Variants in GML observed in about 807,000 individuals in gnomAD.
The protein encoded by GML is glycosyl-phosphatidylinositol-anchored molecule-like protein.
A neutral mutation model predicts 8.2 loss-of-function variants in GML; 5 were observed. That is an observed-to-expected ratio of 0.61 (90% CI 0.32 to 1.28). GML has a LOEUF of 1.28. Among genes scored for constraint, GML ranks in the 50% most tolerant of loss-of-function variants. GML has a pLI of 0.06. For synonymous variants in GML, 72 were observed against 69.0 expected, an observed-to-expected ratio of 1.04 and a Z score of -0.22; for missense variants, 191 against 198.3, an observed-to-expected ratio of 0.96 and a Z score of 0.22.
chr8:142,835,674 T>A (rs1480595563), intron 1 of GML, among the ~76,000 whole-genome samples: 3 of 152,174 alleles, frequency 2.0e-5, no homozygotes, highest in Non-Finnish European at 4.4e-5. Context: ...GTTCTTAAGT[T>A]CCAAACAGAT....
At chr8:142,838,288 G>A (rs1816370930) in intron 1 of GML, among the ~76,000 whole-genome samples, 1 of 152,070 alleles carries the variant, frequency 6.6e-6, no homozygotes, top group South Asian at 2.1e-4. Context: ...ATTCCTATAT[G>A]GGAATTCCTT....
chr8:142,839,913 G>A (rs1376393207), intron 1 of GML, among the ~76,000 whole-genome samples: 1 of 152,188 alleles, frequency 6.6e-6, no homozygotes, highest in Non-Finnish European at 1.5e-5. Context: ...ATGACACTGA[G>A]GATGCCTTCA....
intron 3 of GML, 65 bp downstream of exon 3, chr8:142,841,290 C>A: frequency 2.4e-6 from 2 of 842,318 alleles, no homozygotes; most frequent in Non-Finnish European, 4.2e-6. Flanking sequence ...GTTTCTGGGG[C>A]CAGGGCCAGT....
At chr8:142,843,650 A>G (rs919682597) in intron 3 of GML, among the ~76,000 whole-genome samples, 1 of 152,268 alleles carries the variant, frequency 6.6e-6, no homozygotes, top group East Asian at 1.9e-4. Context: ...CAAGATAAGT[A>G]TTCAAAAATC....
At chr8:142,841,407 A>G (rs966055812) in intron 3 of GML, among the ~76,000 whole-genome samples, 182 bp downstream of exon 3, 1 of 152,160 alleles carries the variant, frequency 6.6e-6, no homozygotes, top group Non-Finnish European at 1.5e-5. Flanking sequence ...GCCAGCATGC[A>G]TCATCTTGTA....
chr8:142,835,094 C>T (rs115994180), intron 1 of GML, among the ~76,000 whole-genome samples: 2,075 of 151,558 alleles, frequency 0.014, 52 homozygotes, highest in African/African-American at 0.048. Flanking sequence ...CTCCACTCCC[C>T]GCAGGTTCCT....
At chr8:142,844,481 G>A (rs2130227301) in intron 3 of GML, among the ~76,000 whole-genome samples, 1 of 152,322 alleles carries the variant, frequency 6.6e-6, no homozygotes, top group African/African-American at 2.4e-5. Flanking sequence ...CAAAACTTCT[G>A]TTCCTAAGAA....
At chr8:142,841,022 G>A (rs914036310) in intron 2 of GML, 96 bp from the exon 3 acceptor site, 2 of 726,376 alleles carry the variant, frequency 2.8e-6, no homozygotes, top group Non-Finnish European at 5.1e-6. Flanking sequence ...AAGCAGAGGG[G>A]AAGGGCTGGC....
In GML at chr8:142,836,771, G is replaced by GGTCAGGT. The variant is rs1816347261; in HGVS notation, c.-23+1903_-23+1904insGTCAGGT. Among the ~76,000 whole-genome samples the GGTCAGGT allele has an allele frequency of 2.6e-5, 4 of 152,134 alleles. No individual in the cohort carries two copies. The South Asian group carries it at 8.3e-4, about 31-fold the overall frequency. On this transcript the variant is annotated intron_variant, in intron 1 of 3. Coordinates refer to ENST00000220940, the MANE Select transcript of GML (RefSeq NM_002066.3). ...GTGGAGGCCAAGTGGGATGCTTGCAGCTTCAACCTGACCCTGGCTGCCTCT... is the reference window on the plus strand; with the variant it reads ...GTGGAGGCCAAGTGGGATGCTTGCAGGTCAGGTCTTCAACCTGACCCTGGCTGCCTCT...
At chr8:142,834,947 T>TAGG (rs1191944508) in intron 1 of GML, 79 bp downstream of exon 1, 1 of 91,326 alleles carries the variant, frequency 1.1e-5, no homozygotes, top group African/African-American at 4.7e-5. Context: ...AGCCTCCTCG[T>TAGG]CAGCTGCTTG....
intron 3 of GML, among the ~76,000 whole-genome samples, chr8:142,843,729 C>T (rs1433260698): frequency 6.6e-6 from 1 of 152,162 alleles, no homozygotes; most frequent in East Asian, 1.9e-4. Flanking sequence ...AGGAATGGTG[C>T]TCTTTAAAGT....
At chr8:142,843,035 G>A (rs867511735) in intron 3 of GML, among the ~76,000 whole-genome samples, 8 of 152,258 alleles carry the variant, frequency 5.3e-5, no homozygotes, top group Middle Eastern at 3.4e-3. Context: ...ATGGATATTA[G>A]GACAAAGAAA....
chr8:142,839,491 C>T (rs369412096), intron 1 of GML, among the ~76,000 whole-genome samples: 3 of 152,108 alleles, frequency 2.0e-5, no homozygotes, highest in Non-Finnish European at 4.4e-5. Flanking sequence ...GCTGCTCCTG[C>T]GGTGGAGGGA....
chr8:142,841,067 G>A (rs1816425151), intron 2 of GML, 51 bp from the exon 3 acceptor site: 3 of 893,770 alleles, frequency 3.4e-6, no homozygotes, highest in Non-Finnish European at 5.7e-6. Flanking sequence ...GGTAATGGGT[G>A]GAAAAGGCGT....
At position 142,840,493 on chromosome 8, in the gene GML, C is replaced by A; in HGVS notation, c.56C>A (p.Ala19Asp). The change falls in exon 2 of 4, where the codon GCC (alanine) becomes GAC (aspartate). Residue 19 changes from alanine to aspartate, a missense_variant. Ala to Asp is a moderately radical substitution (Grantham distance 126). Transcript: ENST00000220940. ...AMELPLVAASATMRAQWTYSL... is the reference protein window; with the variant it reads ...AMELPLVAASDTMRAQWTYSL... Reference sequence around the variant, plus strand: ...GAGCTCCCATTGGTGGCAGCCAGTGCCACCATGCGCGCTCAGTGTAAGTAT... The same window carrying A: ...GAGCTCCCATTGGTGGCAGCCAGTGACACCATGCGCGCTCAGTGTAAGTAT... 6.2e-7 allele frequency: 1 copy of A among 1,609,834 alleles called. No homozygotes were observed. Among genetic ancestry groups the A allele is most frequent in the Non-Finnish European group, 8.5e-7 (1 of 1,176,036 alleles).
chr8:142,843,303 A>G (rs887230700), intron 3 of GML, among the ~76,000 whole-genome samples: 1 of 87,582 alleles, frequency 1.1e-5, no homozygotes, highest in Admixed American at 1.1e-4. Context: ...CACACACCAT[A>G]ACCCCACTAC....
chr8:142,840,529 C>T lies in GML; in HGVS notation c.73+19C>T. The stretch of plus-strand genomic sequence containing the variant: ...GCTCAGTGTAAGTATCATTCCCTCT[C>T]ACTGTCCTGGAGAGGACGAGAATTC... On this transcript the variant is annotated intron_variant, in intron 2 of 3. Transcript: ENST00000220940. 1 of 1,572,192 alleles carries T rather than the reference C, an allele frequency of 6.4e-7. No homozygotes were observed. Among genetic ancestry groups the T allele is most frequent in the Admixed American group, 1.7e-5 (1 of 59,974 alleles).
Position 142,846,692 on chromosome 8 carries a change from G to T in GML, c.*2G>T. The T allele has an allele frequency of 6.2e-7, 1 of 1,608,972 alleles. No homozygotes were observed. The highest frequency in any genetic ancestry group is 8.5e-7 in the Non-Finnish European group (1 of 1,175,832). ...ATAGTCAGCAATATATTGCCATGAG[G>T]ACCCCACCTTGGAGGGTCTGACCAT... On this transcript the variant is annotated 3_prime_UTR_variant, in exon 4 of 4. Transcript: ENST00000220940.
intron 3 of GML, among the ~76,000 whole-genome samples, chr8:142,843,956 G>C (rs1401726927): frequency 1.3e-5 from 2 of 152,288 alleles, no homozygotes; most frequent in East Asian, 3.9e-4. Context: ...CTCAGCAGGG[G>C]TATGTTTGTG....
Sources: gnomAD v4.1 joint callset for allele counts (sites outside exome capture counted in the v4.1 genomes callset) on GRCh38, gnomAD v4.1.1 for gene constraint, MANE v1.5 for transcripts, NCBI Gene and HGNC (gene_info 2026-07-23, HGNC 2026-07-21) for gene names.